Variants in WRNIP1 observed in about 807,000 individuals in gnomAD.
WRNIP1 encodes the protein ATPase WRNIP1.
Under a neutral mutation model 56.1 loss-of-function variants are expected in WRNIP1, and 41 were observed. The ratio of observed to expected loss-of-function variants is 0.73; its 90% CI spans 0.57 to 0.95. The LOEUF is 0.95. Ranked by LOEUF, WRNIP1 falls within the 40% of genes least tolerant of loss-of-function variation. The pLI is 0.00. For synonymous variants in WRNIP1, 547 were observed against 398.1 expected (o/e 1.37, Z -4.45); for missense variants, 1,170 against 939.4 (o/e 1.25, Z -3.21).
chr6:2,783,315 C>G (rs1258425795), intron 4 of WRNIP1, 91 bp from the exon 5 acceptor site: 2 of 1,392,636 alleles, frequency 1.4e-6, no homozygotes, highest in Non-Finnish European at 9.5e-7. Flanking sequence ...TTTATTCGTT[C>G]AGGCTTTCTG....
rs906331636 is a variant in WRNIP1, at chr6:2,784,917, G to T, written c.1723-90G>T. ...ATAAAAGCATGTGGGGATCTTCTCAGAATTACCTAGAGCTGTGTATCAGAA... is the reference window on the plus strand; with the variant it reads ...ATAAAAGCATGTGGGGATCTTCTCATAATTACCTAGAGCTGTGTATCAGAA... On this transcript the variant is annotated intron_variant, in intron 6 of 6. Transcript: ENST00000380773. 7 of 1,496,528 alleles carry T rather than the reference G, an allele frequency of 4.7e-6. No individual in the cohort carries two copies. The African/African-American group carries it at 8.4e-5, about 18-fold the overall frequency. 92.7% of individuals were successfully genotyped at this position (1,496,528 alleles called of 1,614,324 possible).
rs1764939984 is a variant in WRNIP1 at position 2,765,953 on chromosome 6, T to G, written c.331T>G (p.Tyr111Asp). The G allele has an allele frequency of 7.0e-6, 10 of 1,432,596 alleles. No homozygotes were observed. The highest frequency in any genetic ancestry group is 9.2e-6 in the Non-Finnish European group (10 of 1,092,812). 88.7% of individuals were successfully genotyped at this position (1,432,596 alleles called of 1,614,324 possible). The change falls in exon 1 of 7, where the codon TAC (tyrosine) becomes GAC (aspartate). Residue 111 changes from tyrosine to aspartate, a missense_variant. Physicochemically the swap from Tyr to Asp is radical, Grantham distance 160 (BLOSUM62 -3). Coordinates refer to ENST00000380773, the MANE Select transcript of WRNIP1 (RefSeq NM_020135.3). ...DGGETESRESYDAPPTPSGAR... is the reference protein window; with the variant it reads ...DGGETESRESDDAPPTPSGAR... ...CGGCGAGACCGAGAGCCGCGAGAGC[T>G]ACGACGCGCCGCCCACACCCAGCGG... is the stretch of plus-strand genomic sequence containing the variant.
At chr6:2,784,927 G>C (rs753611400) in intron 6 of WRNIP1, 80 bp from the exon 7 acceptor site, 4 of 1,540,876 alleles carry the variant, frequency 2.6e-6, no homozygotes, top group Non-Finnish European at 2.6e-6. Flanking sequence ...GAATTACCTA[G>C]AGCTGTGTAT....
rs1330476522 is a variant in WRNIP1, at chr6:2,785,949, G to A, written c.*667G>A. The A allele has an allele frequency of 2.6e-5, 4 of 152,206 alleles. No individual in the cohort carries two copies. In the East Asian group the frequency reaches 5.8e-4, roughly 22 times the overall value. 9.4% of individuals were successfully genotyped at this position (152,206 alleles called of 1,614,324 possible). ...CATAAAGGAATTCTTTAAATGGCTT[G>A]TGGAAGACTCCAGTAGTCCCATGCC... On this transcript the variant is annotated 3_prime_UTR_variant, in exon 7 of 7. Transcript: ENST00000380773.
At chr6:2,782,976 C>T (rs978862007) in intron 4 of WRNIP1, among the ~76,000 whole-genome samples, 1 of 152,216 alleles carries the variant, frequency 6.6e-6, no homozygotes, top group Admixed American at 6.5e-5. Flanking sequence ...ATAACAGCTG[C>T]CCTTGCCACT....
In WRNIP1 at chr6:2,785,036, T is replaced by C. The variant is rs769497227; in HGVS notation, c.1752T>C (p.Phe584=). 3 of 1,614,002 alleles carry C rather than the reference T, an allele frequency of 1.9e-6. No homozygotes were observed. Among genetic ancestry groups the C allele is most frequent in the South Asian group, 2.2e-5 (2 of 91,090 alleles). ...TTCTGGCCCAGTGTGTGGTCTACTTTGCCAGAGCCCCAAAGTCCATTGAGG... is the reference window on the plus strand; with the variant it reads ...TTCTGGCCCAGTGTGTGGTCTACTTCGCCAGAGCCCCAAAGTCCATTGAGG... The part of the protein sequence containing the change: ...EVLLAQCVVY[F]ARAPKSIEVY... Residue 584 remains phenylalanine (F), a synonymous_variant, in exon 7 of 7, where the codon TTT becomes TTC. Transcript: ENST00000380773.
intron 4 of WRNIP1, among the ~76,000 whole-genome samples, chr6:2,781,442 C>A (rs563585318): frequency 1.2e-4 from 19 of 152,384 alleles, no homozygotes; most frequent in African/African-American, 4.1e-4. Context: ...GCTGCTTTTA[C>A]AGGCTTTGCT....
At position 2,765,410 on chromosome 6, in the gene WRNIP1, G is replaced by A; in HGVS notation, c.-213G>A. On this transcript the variant is annotated 5_prime_UTR_variant, in exon 1 of 7. Coordinates refer to ENST00000380773, the MANE Select transcript of WRNIP1 (RefSeq NM_020135.3). ...CACGAACTACACTTCCCGACACGCC[G>A]CGTGAGGCGCTGCCAGCGGCCGGCC... The A allele has an allele frequency of 2.2e-6, 1 of 445,198 alleles. No individual in the cohort carries two copies. Among genetic ancestry groups the A allele is most frequent in the Non-Finnish European group, 3.5e-6 (1 of 288,074 alleles). 27.6% of individuals were successfully genotyped at this position (445,198 alleles called of 1,614,324 possible).
chr6:2,771,393 A>C (rs1160161891), intron 3 of WRNIP1, among the ~76,000 whole-genome samples: 1 of 152,192 alleles, frequency 6.6e-6, no homozygotes, highest in Non-Finnish European at 1.5e-5. Flanking sequence ...CTTGTTTTGG[A>C]ATACCGTTGT....
In WRNIP1 at chr6:2,765,402, G is replaced by C. The variant is rs1278269694; in HGVS notation, c.-221G>C. On this transcript the variant is annotated 5_prime_UTR_variant, in exon 1 of 7. Transcript: ENST00000380773. ...CAAACGGCCACGAACTACACTTCCC[G>C]ACACGCCGCGTGAGGCGCTGCCAGC... is the stretch of plus-strand genomic sequence containing the variant. The C allele has an allele frequency of 2.4e-6, 1 of 419,558 alleles. No homozygotes were observed. The allele number at this position is 419,558 out of a possible 1,614,324, so 26.0% of individuals were successfully genotyped here. A position where few individuals can be genotyped will look rare whatever the true frequency, so the allele number is the denominator to read the frequency against.
intron 1 of WRNIP1, among the ~76,000 whole-genome samples, chr6:2,766,993 T>C (rs1765040094): frequency 6.6e-6 from 1 of 152,240 alleles, no homozygotes; most frequent in South Asian, 2.1e-4. Context: ...AATATATTGA[T>C]TTTACTAAAT....
intron 3 of WRNIP1, among the ~76,000 whole-genome samples, chr6:2,775,983 T>G (rs923943915): frequency 6.6e-6 from 1 of 152,216 alleles, no homozygotes; most frequent in Admixed American, 6.5e-5. Flanking sequence ...TATTTTTAAG[T>G]GCAAAACACT....
At position 2,766,495 on chromosome 6, in the gene WRNIP1, G is replaced by C. The variant is rs1365157409; in HGVS notation, c.822+51G>C. ...TTCCGTAGTTATCTCGGCGGTGGATGCAGCTGATGGTCGGAGAGCCGGGTG... is the reference window on the plus strand; with the variant it reads ...TTCCGTAGTTATCTCGGCGGTGGATCCAGCTGATGGTCGGAGAGCCGGGTG... On this transcript the variant is annotated intron_variant, in intron 1 of 6. Transcript: ENST00000380773. The C allele has an allele frequency of 2.1e-6, 3 of 1,448,886 alleles. No homozygotes were observed. The African/African-American group carries it at 4.2e-5, about 21-fold the overall frequency. The allele number at this position is 1,448,886 out of a possible 1,614,324, so 89.8% of individuals were successfully genotyped here.
chr6:2,776,646 C>G (rs986755292), intron 3 of WRNIP1, among the ~76,000 whole-genome samples: 3 of 152,182 alleles, frequency 2.0e-5, no homozygotes, highest in African/African-American at 7.2e-5. Flanking sequence ...GTTGATAAAT[C>G]AATGGAGTAG....
chr6:2,768,883 G>T lies in WRNIP1; in HGVS notation c.1014+1G>T. 6.2e-7 allele frequency: 1 copy of T among 1,605,248 alleles called. No individual in the cohort carries two copies. Among genetic ancestry groups the T allele is most frequent in the Non-Finnish European group, 8.5e-7 (1 of 1,175,420 alleles). ...TCATCGGTTCAATAAATCTCAGCAG[G>T]TATATTAACTTCCTTCTACCTTTTG... On this transcript the variant is annotated splice_donor_variant, in intron 2 of 6. Coordinates refer to ENST00000380773, the MANE Select transcript of WRNIP1 (RefSeq NM_020135.3). LOFTEE classifies it high-confidence loss of function.
chr6:2,767,762 C>T (rs1765089981), intron 1 of WRNIP1, among the ~76,000 whole-genome samples: 1 of 152,170 alleles, frequency 6.6e-6, no homozygotes, highest in African/African-American at 2.4e-5. Flanking sequence ...TGAGCTCATC[C>T]CACCTACCAA....
intron 1 of WRNIP1, among the ~76,000 whole-genome samples, chr6:2,767,531 C>T (rs991881051): frequency 6.6e-6 from 1 of 152,208 alleles, no homozygotes; most frequent in Non-Finnish European, 1.5e-5. Context: ...CATGCCTTCC[C>T]TTTGGCCAGG....
rs1364832419 is a variant in WRNIP1 at position 2,766,169 on chromosome 6, G to A, written c.547G>A (p.Glu183Lys). The A allele has an allele frequency of 1.5e-6, 2 of 1,342,238 alleles. No homozygotes were observed. The highest frequency in any genetic ancestry group is 1.5e-5 in the African/African-American group (1 of 65,160). The allele number at this position is 1,342,238 out of a possible 1,614,324, so 83.1% of individuals were successfully genotyped here. Residue 183 changes from glutamate to lysine, a missense_variant, in exon 1 of 7, where the codon GAG becomes AAG. Coordinates refer to ENST00000380773, the MANE Select transcript of WRNIP1 (RefSeq NM_020135.3). ...DGDGDADADG[E>K]DDPGHWDADA... ...CGACGGGGACGCGGACGCGGACGGCGAGGACGACCCGGGGCACTGGGACGC... is the reference window on the plus strand; with the variant it reads ...CGACGGGGACGCGGACGCGGACGGCAAGGACGACCCGGGGCACTGGGACGC...
rs971207556 is a variant in WRNIP1, at chr6:2,770,314, T to C, written c.1209T>C (p.Ser403=). The change falls in exon 3 of 7, where the codon TCT becomes TCC. Residue 403 remains serine (S), a synonymous_variant. Transcript: ENST00000380773. ...INSLGIHVLD[S]SRPTDPLSHS... ...CCCTGGGAATCCACGTCCTAGACTC[T>C]AGCCGTCCCACTGACCCTCTGAGCC... The C allele has an allele frequency of 1.2e-6, 2 of 1,614,166 alleles. No homozygotes were observed. Among genetic ancestry groups the C allele is most frequent in the Non-Finnish European group, 8.5e-7 (1 of 1,180,026 alleles).
Sources: allele counts gnomAD v4.1 joint callset (sites outside exome capture counted in the v4.1 genomes callset), GRCh38; gene constraint gnomAD v4.1.1; transcripts MANE v1.5; gene names NCBI Gene and HGNC (gene_info 2026-07-23, HGNC 2026-07-21).